Variants in KCNH7 observed in about 807,000 individuals in gnomAD.
KCNH7 encodes the protein voltage-gated inwardly rectifying potassium channel KCNH7.
KCNH7 carries 49 observed loss-of-function variants against 120.8 expected under a neutral mutation model. That is an observed-to-expected ratio of 0.41 (90% CI 0.32 to 0.51). The LOEUF is 0.51. Ranked by LOEUF, KCNH7 falls within the 20% of genes least tolerant of loss-of-function variation. The pLI, the probability that KCNH7 is intolerant of heterozygous loss-of-function variation, is 0.38. For synonymous variants in KCNH7, 547 were observed against 516.1 expected, an observed-to-expected ratio of 1.06 and a Z score of -0.81; for missense variants, 1,097 against 1,446.6, an observed-to-expected ratio of 0.76 and a Z score of 3.92.
chr2:162,618,462 T>C (rs763736470), intron 2 of KCNH7, among the ~76,000 whole-genome samples: 22 of 152,102 alleles, frequency 1.4e-4, no homozygotes, highest in Non-Finnish European at 3.1e-4. Flanking sequence ...CGTGCTTACA[T>C]AGAACTTTAA....
chr2:162,475,280 G>T (rs1253839410), intron 6 of KCNH7, among the ~76,000 whole-genome samples: 1 of 152,166 alleles, frequency 6.6e-6, no homozygotes, highest in African/African-American at 2.4e-5. Context: ...GTGTCTAATT[G>T]ACAGTAAAGC....
At chr2:162,400,580 C>T in intron 9 of KCNH7, 139 bp from the exon 10 acceptor site, 4 of 778,596 alleles carry the variant, frequency 5.1e-6, no homozygotes, top group South Asian at 1.7e-5. Flanking sequence ...ACCTCGCCTA[C>T]CTTAATGAAT....
At chr2:162,833,101 G>A (rs1442945583) in intron 2 of KCNH7, among the ~76,000 whole-genome samples, 5 of 152,006 alleles carry the variant, frequency 3.3e-5, no homozygotes, top group African/African-American at 9.7e-5. Context: ...GAGTAAAGAC[G>A]TTTATTTTTC....
At chr2:162,610,635 T>C (rs1682933574) in intron 2 of KCNH7, among the ~76,000 whole-genome samples, 1 of 152,206 alleles carries the variant, frequency 6.6e-6, no homozygotes, top group Non-Finnish European at 1.5e-5. Flanking sequence ...ATCTACTTAA[T>C]AGGAGGATAG....
chr2:162,469,013 C>A (rs531769644), intron 6 of KCNH7, among the ~76,000 whole-genome samples: 62 of 152,122 alleles, frequency 4.1e-4, no homozygotes, highest in Non-Finnish European at 7.6e-4. Context: ...ACCACATCTG[C>A]CTAATTTTTT....
At chr2:162,660,160 G>C (rs1022434181) in intron 2 of KCNH7, among the ~76,000 whole-genome samples, 4 of 151,694 alleles carry the variant, frequency 2.6e-5, no homozygotes, top group African/African-American at 9.7e-5. Context: ...CTTTTCTTAG[G>C]CTTACTTTGG....
chr2:162,619,283 T>A (rs377324054), intron 2 of KCNH7, among the ~76,000 whole-genome samples: 1 of 151,760 alleles, frequency 6.6e-6, no homozygotes, highest in Non-Finnish European at 1.5e-5. Flanking sequence ...CTAAGAGAGG[T>A]GAGTACAAGA....
At chr2:162,543,444 T>A (rs1692380149) in intron 2 of KCNH7, among the ~76,000 whole-genome samples, 1 of 152,120 alleles carries the variant, frequency 6.6e-6, no homozygotes, top group Non-Finnish European at 1.5e-5. Flanking sequence ...TATTTACCTG[T>A]CATTTAAAAA....
At chr2:162,593,648 T>G (rs1694285081) in intron 2 of KCNH7, among the ~76,000 whole-genome samples, 1 of 152,066 alleles carries the variant, frequency 6.6e-6, no homozygotes, top group Non-Finnish European at 1.5e-5. Context: ...TTTTTTTTCC[T>G]GCTTTCAGGT....
intron 2 of KCNH7, among the ~76,000 whole-genome samples, chr2:162,629,636 C>T (rs1191683482): frequency 6.6e-6 from 1 of 151,972 alleles, no homozygotes; most frequent in East Asian, 1.9e-4. Context: ...GCTGGAGTCA[C>T]CTTTGCTCAC....
rs567872640 is a variant in KCNH7, at chr2:162,735,545, C to A, written c.307+100992G>T. ...AAGAATTGGCCCTTGAGGTATTTTG[C>A]AGATTTAGTATTTTGGTAAACCTTC... On this transcript the variant is annotated intron_variant, in intron 2 of 15. Transcript: ENST00000332142. Among the ~76,000 whole-genome samples, 3 of 152,212 alleles carry A rather than the reference C, an allele frequency of 2.0e-5. No individual in the cohort carries two copies. The East Asian group carries it at 5.8e-4, about 29-fold the overall frequency.
Position 162,554,596 on chromosome 2 carries a change from A to G in KCNH7, c.308-17516T>C, listed in dbSNP as rs541204525. Among the ~76,000 whole-genome samples the G allele has an allele frequency of 1.3e-4, 20 of 152,040 alleles. 1 individual carries two copies. In the Middle Eastern group the frequency reaches 0.024, roughly 181 times the overall value. ...TTTTTGGTTCATTGTCCCTTCCTCC[A>G]CCTTCAAGCAAGCAATGTAGCATCT... On this transcript the variant is annotated intron_variant, in intron 2 of 15. Transcript: ENST00000332142.
At position 162,371,408 on chromosome 2, in the gene KCNH7, T is replaced by C. The variant is rs1221460752; in HGVS notation, c.*421A>G. The C allele has an allele frequency of 1.6e-6, 2 of 1,288,376 alleles. No homozygotes were observed. Among genetic ancestry groups the C allele is most frequent in the African/African-American group, 3.0e-5 (2 of 65,934 alleles). The allele number at this position is 1,288,376 out of a possible 1,614,324, so 79.8% of individuals were successfully genotyped here. ...TCCCTTTATCCCCCTGGAATTCCCA[T>C]GAGTTGAGGATCATCTGAATTTGAG... On this transcript the variant is annotated 3_prime_UTR_variant, in exon 16 of 16. Transcript: ENST00000332142.
At chr2:162,540,687 A>C (rs1266663988) in intron 2 of KCNH7, among the ~76,000 whole-genome samples, 1 of 152,102 alleles carries the variant, frequency 6.6e-6, no homozygotes, top group Non-Finnish European at 1.5e-5. Flanking sequence ...GCCAGAAGCC[A>C]CTGGGAAGAA....
intron 3 of KCNH7, among the ~76,000 whole-genome samples, chr2:162,531,434 G>T (rs549062056): frequency 3.9e-5 from 6 of 152,034 alleles, no homozygotes; most frequent in African/African-American, 1.2e-4. Flanking sequence ...ATGAGAATTT[G>T]AGAAGACAGT....
chr2:162,641,852 A>AT lies in KCNH7; in HGVS notation c.308-104773dup, dbSNP rs567407276. ...TCTCTACATTATTTCTTACAACTGC[A>AT]TTTTTTTTATAATTATCCCAGAATA... On this transcript the variant is annotated intron_variant, in intron 2 of 15. Coordinates refer to ENST00000332142, the MANE Select transcript of KCNH7 (RefSeq NM_033272.4). 4.4e-3 allele frequency among the ~76,000 whole-genome samples: 630 copies of AT among 143,940 alleles called. 3 individuals are homozygous for AT. Among genetic ancestry groups the AT allele is most frequent in the Middle Eastern group, 0.01 (3 of 290 alleles). The allele number at this position is 143,940 out of a possible 152,430, so 94.4% of individuals were successfully genotyped here. A position where few individuals can be genotyped will look rare whatever the true frequency, so the allele number is the denominator to read the frequency against.
intron 2 of KCNH7, among the ~76,000 whole-genome samples, chr2:162,806,076 C>A (rs777267663): frequency 3.0e-4 from 46 of 152,010 alleles, no homozygotes; most frequent in Non-Finnish European, 5.3e-4. Flanking sequence ...ACTTTGGAGA[C>A]TAAGGAGGGG....
intron 2 of KCNH7, among the ~76,000 whole-genome samples, chr2:162,742,374 G>T (rs1359246946): frequency 6.6e-6 from 1 of 151,836 alleles, no homozygotes; most frequent in Non-Finnish European, 1.5e-5. Context: ...TTCTTCATTG[G>T]CTATAAAATA....
intron 2 of KCNH7, among the ~76,000 whole-genome samples, chr2:162,808,670 A>G (rs1684632558): frequency 6.6e-6 from 1 of 152,114 alleles, no homozygotes; most frequent in Non-Finnish European, 1.5e-5. Context: ...TGTTCAGTTT[A>G]CTTCCATTTT....
Sources: gnomAD v4.1 joint callset for allele counts (sites outside exome capture counted in the v4.1 genomes callset) on GRCh38, gnomAD v4.1.1 for gene constraint, MANE v1.5 for transcripts, NCBI Gene and HGNC (gene_info 2026-07-23, HGNC 2026-07-21) for gene names.